TIMP1: variants seen among roughly 807,000 people sequenced by gnomAD.
TIMP1 encodes TIMP metallopeptidase inhibitor 1.
Under a neutral mutation model 13.7 loss-of-function variants are expected in TIMP1, and 5 were observed. The ratio of observed to expected loss-of-function variants is 0.36; its 90% CI spans 0.19 to 0.76. The LOEUF is 0.76. Ranked by LOEUF, TIMP1 falls within the 30% of genes least tolerant of loss-of-function variation. The probability of loss-of-function intolerance (pLI) is 0.51; values close to 1 mark genes in which losing one functional copy is unlikely to be tolerated. For synonymous variants in TIMP1, 63 were observed against 67.1 expected (o/e 0.94, Z 0.30); for missense variants, 131 against 168.4 (o/e 0.78, Z 1.23).
At chrX:47,586,274 T>A in intron 5 of TIMP1, 1 of 754,564 alleles carries the variant, frequency 1.3e-6, no homozygotes, top group Non-Finnish European at 1.6e-6. Context: ...ACAGGCGACC[T>A]GCCTGACTGA....
chrX:47,585,057 C>T (rs978229120), intron 3 of TIMP1, 42 bp downstream of exon 3: 2 of 1,191,617 alleles, frequency 1.7e-6, no homozygotes, highest in African/African-American at 1.8e-5. Flanking sequence ...TTTCTAACAT[C>T]TTCCTCCTGG....
chrX:47,584,100 T>C (rs1439087623), intron 2 of TIMP1, among the ~76,000 whole-genome samples: 8 of 111,304 alleles, frequency 7.2e-5, no homozygotes, highest in Non-Finnish European at 1.1e-4. Context: ...GGATTCTGGC[T>C]AAACCGACGT....
chrX:47,586,269 C>T (rs1371470114), intron 5 of TIMP1: 5 of 752,629 alleles, frequency 6.6e-6, no homozygotes, highest in South Asian at 1.4e-4. Context: ...ATTCCACAGG[C>T]GACCTGCCTG....
intron 2 of TIMP1, among the ~76,000 whole-genome samples, chrX:47,584,276 G>T (rs1189414908): frequency 9.0e-6 from 1 of 110,757 alleles, no homozygotes; most frequent in Non-Finnish European, 1.9e-5. Flanking sequence ...GATGATCAGA[G>T]ATTGAGGATG....
At position 47,585,683 on chromosome X, in the gene TIMP1, C is replaced by G. The variant is rs1256174716; in HGVS notation, c.453+16C>G. On this transcript the variant is annotated intron_variant, in intron 5 of 5. Transcript: ENST00000218388. ...GGAATGCACAGTGAGTGCCTGGACCCTGACCTCCAACGGGAGATCCTTCCC... is the reference window on the plus strand; with the variant it reads ...GGAATGCACAGTGAGTGCCTGGACCGTGACCTCCAACGGGAGATCCTTCCC... The G allele has an allele frequency of 3.3e-6, 4 of 1,208,999 alleles. No homozygotes were observed. In the African/African-American group the frequency reaches 5.2e-5, roughly 16 times the overall value.
chrX:47,585,910 A>C, intron 5 of TIMP1: 1 of 1,121,666 alleles, frequency 8.9e-7, no homozygotes, highest in Non-Finnish European at 1.2e-6. Context: ...TGGTCCCTCT[A>C]ATTCTCCCTT....
intron 1 of TIMP1, among the ~76,000 whole-genome samples, 191 bp from the exon 2 acceptor site, chrX:47,583,215 CAA>C (rs1397119003): frequency 9.6e-6 from 1 of 103,751 alleles, no homozygotes; most frequent in Non-Finnish European, 2.0e-5. Context: ...TAAACTCTCC[CAA>C]CTCTCTAAAC....
chrX:47,582,584 C>T, intron 1 of TIMP1, 110 bp downstream of exon 1: 1 of 366,882 alleles, frequency 2.7e-6, no homozygotes, highest in Admixed American at 2.7e-5. Flanking sequence ...CTCAGCTTGG[C>T]CTGCGGGTAC....
intron 4 of TIMP1, 62 bp from the exon 5 acceptor site, chrX:47,585,481 C>A: frequency 8.4e-7 from 1 of 1,192,295 alleles, no homozygotes; most frequent in Non-Finnish European, 1.1e-6. Context: ...GGGCCTTTGG[C>A]AGCTTGGCAG....
At position 47,583,421 on chromosome X, in the gene TIMP1, C is replaced by A. The variant is rs1024446168; in HGVS notation, c.6C>A (p.Ala2=). ...CCTTCCCCACAGAACCCACCATGGC[C>A]CCCTTTGAGCCCCTGGCTTCTGGCA... The part of the protein sequence containing the change: M[A]PFEPLASGIL... Residue 2 remains alanine, a synonymous_variant, in exon 2 of 6, where the codon GCC becomes GCA. Coordinates refer to ENST00000218388, the MANE Select transcript of TIMP1 (RefSeq NM_003254.3). 4.2e-6 allele frequency: 5 copies of A among 1,202,426 alleles called. No homozygotes were observed. The Admixed American group carries it at 1.1e-4, about 26-fold the overall frequency.
intron 2 of TIMP1, 21 bp downstream of exon 2, chrX:47,583,557 G>T: frequency 8.5e-7 from 1 of 1,169,959 alleles, no homozygotes. Context: ...ACCCCACTCA[G>T]CCCACACACT....
At chrX:47,584,078 C>G (rs2057811794) in intron 2 of TIMP1, among the ~76,000 whole-genome samples, 1 of 111,142 alleles carries the variant, frequency 9.0e-6, no homozygotes, top group Non-Finnish European at 1.9e-5. Context: ...GAAGAAACAT[C>G]AGGGGTAAGG....
intron 1 of TIMP1, among the ~76,000 whole-genome samples, chrX:47,583,137 C>T (rs2057806725): frequency 1.0e-5 from 1 of 98,257 alleles, no homozygotes; most frequent in Non-Finnish European, 2.1e-5. Context: ...CTCAAACTTC[C>T]TCAGCCCCCT....
intron 5 of TIMP1, 144 bp downstream of exon 5, chrX:47,585,811 C>T (rs1480251303): frequency 2.2e-5 from 25 of 1,154,297 alleles, no homozygotes; most frequent in Non-Finnish European, 2.8e-5. Flanking sequence ...ATCTCTCTTG[C>T]TATTTCCCCA....
At chrX:47,585,961 G>C (rs754194589) in intron 5 of TIMP1, 1 of 1,069,117 alleles carries the variant, frequency 9.4e-7, no homozygotes, top group Middle Eastern at 2.6e-4. Flanking sequence ...CTGAGCCCCC[G>C]GGATTGTTTC....
At chrX:47,585,471 G>C (rs746960391) in intron 4 of TIMP1, 72 bp from the exon 5 acceptor site, 6 of 1,191,963 alleles carry the variant, frequency 5.0e-6, no homozygotes, top group Non-Finnish European at 5.7e-6. Flanking sequence ...TCAGAAGGCC[G>C]GGCCTTTGGC....
intron 4 of TIMP1, 74 bp downstream of exon 4, chrX:47,585,405 G>A (rs753915521): frequency 1.1e-5 from 13 of 1,199,333 alleles, no homozygotes; most frequent in East Asian, 3.0e-5. Context: ...ACGAGGGGGC[G>A]AGGCTCTGAT....
chrX:47,583,817 A>AT (rs2147917728), intron 2 of TIMP1, among the ~76,000 whole-genome samples: 1 of 111,230 alleles, frequency 9.0e-6, no homozygotes, highest in South Asian at 3.7e-4. Context: ...TTCCCTGGCC[A>AT]TCCTGTTTAA....
In TIMP1 at chrX:47,585,252, C is replaced by T. The variant is rs1191231056; in HGVS notation, c.249C>T (p.Phe83=). 13 of 1,203,540 alleles carry T rather than the reference C, an allele frequency of 1.1e-5. No homozygotes were observed. Among genetic ancestry groups the T allele is most frequent in the African/African-American group, 5.3e-5 (3 of 56,989 alleles). Residue 83 remains phenylalanine, a synonymous_variant, in exon 4 of 6, where the codon TTC becomes TTT. Coordinates refer to ENST00000218388, the MANE Select transcript of TIMP1 (RefSeq NM_003254.3). ...TAGGGGATGCCGCTGACATCCGGTT[C>T]GTCTACACCCCCGCCATGGAGAGTG... ...QALGDAADIR[F]VYTPAMESVC...
Sources: allele counts gnomAD v4.1 joint callset (sites outside exome capture counted in the v4.1 genomes callset), GRCh38; gene constraint gnomAD v4.1.1; transcripts MANE v1.5; gene names NCBI Gene and HGNC (gene_info 2026-07-23, HGNC 2026-07-21).